The following PCDHGA6 variants were observed in gnomAD, a reference collection of about 807,000 sequenced individuals.
PCDHGA6 encodes protocadherin gamma subfamily A, 6.
In PCDHGA6, 41 loss-of-function variants were observed where a neutral mutation model predicts 60.6. That is an observed-to-expected ratio of 0.68 (90% confidence interval 0.53 to 0.88). PCDHGA6 has a LOEUF of 0.88. Ranked by LOEUF, PCDHGA6 falls within the 40% of genes least tolerant of loss-of-function variation. The pLI, the probability that PCDHGA6 is intolerant of heterozygous loss-of-function variation, is 0.00. For missense variants in PCDHGA6, 1,312 were observed against 1,203.0 expected (o/e 1.09, Z -1.34); for synonymous variants, 594 against 524.4 (o/e 1.13, Z -1.81).
In PCDHGA6 at chr5:141,432,808, C is replaced by G. The variant is rs1473886709; in HGVS notation, c.2424+56301C>G. ...TCGGCAGCCTCGAGTCTCCAGCTAA[C>G]TCTGAAACCTCAGACCTCACTCTGT... is the stretch of plus-strand genomic sequence containing the variant. On this transcript the variant is annotated intron_variant, in intron 1 of 3. Coordinates refer to ENST00000517434, the MANE Select transcript of PCDHGA6 (RefSeq NM_018919.3). This position sits in a 1 kb window ranked among gnomAD's most constrained non-coding sequence, Gnocchi z 6.0. 2 of 1,613,486 alleles carry G rather than the reference C, an allele frequency of 1.2e-6. No individual in the cohort carries two copies. Among genetic ancestry groups the G allele is most frequent in the Non-Finnish European group, 1.7e-6 (2 of 1,180,008 alleles).
chr5:141,420,286 A>C, intron 1 of PCDHGA6: 1 of 1,505,774 alleles, frequency 6.6e-7, no homozygotes, highest in Non-Finnish European at 8.9e-7. Flanking sequence ...TAAGTATTTA[A>C]AAATGTATTT....
At chr5:141,484,453 C>T (rs1212059469) in intron 1 of PCDHGA6, among the ~76,000 whole-genome samples, 1 of 152,160 alleles carries the variant, frequency 6.6e-6, no homozygotes. Flanking sequence ...TAATTGGCTA[C>T]GTTAATGTGT....
chr5:141,384,807 T>C, intron 1 of PCDHGA6: 1 of 1,613,400 alleles, frequency 6.2e-7, no homozygotes, highest in Non-Finnish European at 8.5e-7. Context: ...TGGACAGAGA[T>C]GCCCTCAAGC....
intron 1 of PCDHGA6, among the ~76,000 whole-genome samples, chr5:141,456,244 T>C (rs1382294283): frequency 6.6e-6 from 1 of 152,144 alleles, no homozygotes; most frequent in East Asian, 1.9e-4. Context: ...GTTAGGAGGC[T>C]TTGGGCGACC....
intron 1 of PCDHGA6, chr5:141,408,675 CG>C (rs757230674): frequency 2.3e-5 from 37 of 1,613,832 alleles, no homozygotes; most frequent in Non-Finnish European, 3.1e-5. Flanking sequence ...GACCCTGCCA[CG>C]GATCCTGATA....
chr5:141,467,781 C>T (rs2099151581), intron 1 of PCDHGA6, among the ~76,000 whole-genome samples: 1 of 152,228 alleles, frequency 6.6e-6, no homozygotes, highest in South Asian at 2.1e-4. Context: ...ACCTCAGCCT[C>T]TCAAGTAGCT....
At chr5:141,418,403 G>T in intron 1 of PCDHGA6, 1 of 1,614,000 alleles carries the variant, frequency 6.2e-7, no homozygotes. Context: ...CTCATTGGTG[G>T]AGAAAGACAA....
At position 141,511,256 on chromosome 5, in the gene PCDHGA6, T is replaced by C. The variant is rs1003866304; in HGVS notation, c.*83T>C. On this transcript the variant is annotated 3_prime_UTR_variant, in exon 4 of 4. Transcript: ENST00000517434. ...CTTACCTGCACCCAGGCCTCAGAGT[T>C]TCAGGGCTAACCCCCAGAATACTGG... The C allele has an allele frequency of 1.9e-6, 3 of 1,563,388 alleles. No homozygotes were observed. The highest frequency in any genetic ancestry group is 2.7e-5 in the African/African-American group (2 of 73,508).
At chr5:141,468,746 G>A (rs1298497433) in intron 1 of PCDHGA6, among the ~76,000 whole-genome samples, 1 of 151,850 alleles carries the variant, frequency 6.6e-6, no homozygotes, top group Non-Finnish European at 1.5e-5. Flanking sequence ...GGTGCCTGTA[G>A]TCCCAGCTAC....
At chr5:141,395,497 A>T in intron 1 of PCDHGA6, 1 of 472,724 alleles carries the variant, frequency 2.1e-6, no homozygotes, top group Non-Finnish European at 3.7e-6. Flanking sequence ...TCACTCATTC[A>T]CTTAAGAAGT....
chr5:141,433,054 G>A, intron 1 of PCDHGA6: 2 of 1,614,196 alleles, frequency 1.2e-6, no homozygotes, highest in Non-Finnish European at 1.7e-6. Context: ...ACTCGCGGAA[G>A]AGTCACCTGA....
In PCDHGA6 at chr5:141,477,696, A is replaced by T. The variant is rs778604051; in HGVS notation, c.2425-17111A>T. The T allele has an allele frequency of 2.1e-5, 34 of 1,614,054 alleles. No individual in the cohort carries two copies. Among genetic ancestry groups the T allele is most frequent in the Non-Finnish European group, 2.9e-5 (34 of 1,180,044 alleles). On this transcript the variant is annotated intron_variant, in intron 1 of 3. Transcript: ENST00000517434. This position sits in a 1 kb window ranked among gnomAD's most constrained non-coding sequence, Gnocchi z 4.9. ...GTGTCATCCTTAGTGCCCCTAGACT[A>T]TGAGGATCGGCGGGAATTTGAATTA...
intron 1 of PCDHGA6, among the ~76,000 whole-genome samples, chr5:141,446,882 G>A (rs1419213225): frequency 1.3e-5 from 2 of 152,086 alleles, no homozygotes; most frequent in African/African-American, 4.8e-5. Flanking sequence ...TATGTTTTGG[G>A]GTTCATGGCT....
rs187873649 is a variant in PCDHGA6, at chr5:141,469,715, G to A, written c.2425-25092G>A. ...TATGACCTAGTAATCACACTATTAG[G>A]AATTTATCATAAATACACACCTCAA... On this transcript the variant is annotated intron_variant, in intron 1 of 3. Coordinates refer to ENST00000517434, the MANE Select transcript of PCDHGA6 (RefSeq NM_018919.3). Among the ~76,000 whole-genome samples, 552 of 152,160 alleles carry A rather than the reference G, an allele frequency of 3.6e-3. 1 individual carries two copies. Among genetic ancestry groups the A allele is most frequent in the Non-Finnish European group, 5.8e-3 (397 of 68,008 alleles).
chr5:141,473,374 G>A (rs1437989884), intron 1 of PCDHGA6, among the ~76,000 whole-genome samples: 1 of 152,204 alleles, frequency 6.6e-6, no homozygotes, highest in African/African-American at 2.4e-5. Context: ...AAATAGCATG[G>A]TCCCTGCCCT....
rs188117490 is a variant in PCDHGA6 at position 141,507,256 on chromosome 5, C to G, written c.2572+1775C>G. 3 of 152,178 alleles carry G rather than the reference C, an allele frequency of 2.0e-5. No individual in the cohort carries two copies. In the East Asian group the frequency reaches 5.8e-4, roughly 29 times the overall value. The allele number at this position is 152,178 out of a possible 1,614,324, so 9.4% of individuals were successfully genotyped here. ...CAGTTACAGTTGAATGTCAGATAAA[C>G]AGCAAGTACTATTTCAGCATAAGTC... On this transcript the variant is annotated intron_variant, in intron 3 of 3. Coordinates refer to ENST00000517434, the MANE Select transcript of PCDHGA6 (RefSeq NM_018919.3).
intron 1 of PCDHGA6, chr5:141,384,513 G>A: frequency 6.2e-7 from 1 of 1,614,200 alleles, no homozygotes; most frequent in Non-Finnish European, 8.5e-7. Context: ...ATGACAGCGG[G>A]GACCCGCCTC....
At chr5:141,399,376 A>T in intron 1 of PCDHGA6, 1 of 1,613,956 alleles carries the variant, frequency 6.2e-7, no homozygotes, top group Non-Finnish European at 8.5e-7. Context: ...GTACAATGTC[A>T]CCATCACAGC....
intron 1 of PCDHGA6, chr5:141,388,895 T>C (rs2150370716): frequency 6.2e-7 from 1 of 1,613,946 alleles, no homozygotes; most frequent in Non-Finnish European, 8.5e-7. Flanking sequence ...AAGTCATAGA[T>C]GAAAATGACA....
Sources: allele counts gnomAD v4.1 joint callset (sites outside exome capture counted in the v4.1 genomes callset), GRCh38; gene constraint gnomAD v4.1.1; non-coding constraint Gnocchi (gnomAD v3.1); transcripts MANE v1.5; gene names NCBI Gene and HGNC (gene_info 2026-07-23, HGNC 2026-07-21).